CHRNA3: variants seen among roughly 807,000 people sequenced by gnomAD.
The protein encoded by CHRNA3 is neuronal acetylcholine receptor subunit alpha-3.
CHRNA3 carries 34 observed loss-of-function variants against 41.9 expected under a neutral mutation model. That is an observed-to-expected ratio of 0.81 (90% CI 0.62 to 1.08). The LOEUF is 1.08. CHRNA3 is among the 50% of genes least tolerant of loss of function. The pLI is 0.00. For synonymous variants in CHRNA3, 281 were observed against 265.2 expected, an observed-to-expected ratio of 1.06 and a Z score of -0.58; for missense variants, 542 against 638.3, an observed-to-expected ratio of 0.85 and a Z score of 1.63.
intron 5 of CHRNA3, among the ~76,000 whole-genome samples, chr15:78,597,087 A>G (rs1190641146): frequency 6.6e-6 from 1 of 152,232 alleles, no homozygotes; most frequent in African/African-American, 2.4e-5. Flanking sequence ...TAGAATGGCT[A>G]ATATAGTCCA....
chr15:78,595,561 T>A lies in CHRNA3; in HGVS notation c.*1043A>T. 5.0e-6 allele frequency: 1 copy of A among 200,948 alleles called. No homozygotes were observed. The highest frequency in any genetic ancestry group is 1.7e-4 in the South Asian group (1 of 5,770). The allele number at this position is 200,948 out of a possible 1,614,324, so 12.4% of individuals were successfully genotyped here. ...AGCAAGGTATGTCATTGGCATCTAG[T>A]GAGTTGAGGCTAGGGTACTGCTAAA... On this transcript the variant is annotated 3_prime_UTR_variant, in exon 6 of 6. Transcript: ENST00000326828.
At chr15:78,615,170 C>A (rs1302842406) in intron 4 of CHRNA3, among the ~76,000 whole-genome samples, 1 of 152,184 alleles carries the variant, frequency 6.6e-6, no homozygotes, top group Admixed American at 6.5e-5. Flanking sequence ...CCAGAATGCT[C>A]ATCCTACTCT....
intron 4 of CHRNA3, among the ~76,000 whole-genome samples, chr15:78,605,060 T>C (rs773759186): frequency 1.3e-5 from 2 of 151,806 alleles, no homozygotes; most frequent in Non-Finnish European, 2.9e-5. Context: ...AGGGACAGCA[T>C]TGGTGGGAAG....
intron 5 of CHRNA3, among the ~76,000 whole-genome samples, chr15:78,598,362 G>A (rs1326411187): frequency 2.6e-5 from 4 of 151,754 alleles, no homozygotes; most frequent in Non-Finnish European, 5.9e-5. Flanking sequence ...TAGAAATAGT[G>A]GTGCAAAAAG....
chr15:78,611,180 C>T (rs2053374285), intron 4 of CHRNA3, among the ~76,000 whole-genome samples: 1 of 152,136 alleles, frequency 6.6e-6, no homozygotes, highest in African/African-American at 2.4e-5. Flanking sequence ...GAAACTATTC[C>T]AATCAATAGA....
intron 1 of CHRNA3, chr15:78,620,243 C>A: frequency 6.2e-6 from 1 of 162,510 alleles, no homozygotes; most frequent in Admixed American, 6.5e-5. Flanking sequence ...AGCCCCAGTC[C>A]CGAAGCGACT....
chr15:78,593,242 G>C (rs2053040852), downstream of CHRNA3: 1 of 1,609,394 alleles, frequency 6.2e-7, no homozygotes, highest in South Asian at 1.1e-5. Flanking sequence ...TATTGGAAAT[G>C]CAAATAAGTG....
Position 78,620,897 on chromosome 15 carries a change from G to A in CHRNA3, c.-103C>T, listed in dbSNP as rs2053541476. On this transcript the variant is annotated 5_prime_UTR_variant, in exon 1 of 6. Coordinates refer to ENST00000326828, the MANE Select transcript of CHRNA3 (RefSeq NM_000743.5). The stretch of plus-strand genomic sequence containing the variant: ...CGGCTCCAGCGCAGACCCCAGACCT[G>A]GAGCCGTGCGGGCGGAGACGCGCGG... 3 of 1,250,324 alleles carry A rather than the reference G, an allele frequency of 2.4e-6. No individual in the cohort carries two copies. Among genetic ancestry groups the A allele is most frequent in the Non-Finnish European group, 3.0e-6 (3 of 998,766 alleles). 77.5% of individuals were successfully genotyped at this position (1,250,324 alleles called of 1,614,324 possible). A position where few individuals can be genotyped will look rare whatever the true frequency, so the allele number is the denominator to read the frequency against.
chr15:78,595,649 T>G lies in CHRNA3; in HGVS notation c.*955A>C, dbSNP rs71581745. 2 of 153,122 alleles carry G rather than the reference T, an allele frequency of 1.3e-5. No homozygotes were observed. The highest frequency in any genetic ancestry group is 4.8e-5 in the African/African-American group (2 of 41,410). The allele number at this position is 153,122 out of a possible 1,614,324, so 9.5% of individuals were successfully genotyped here. A position where few individuals can be genotyped will look rare whatever the true frequency, so the allele number is the denominator to read the frequency against. ...ACACATATTTATCCAGCCCAAAATG[T>G]CCATAGTGCTAAGGCTGAGAAACCC... On this transcript the variant is annotated 3_prime_UTR_variant, in exon 6 of 6. Coordinates refer to ENST00000326828, the MANE Select transcript of CHRNA3 (RefSeq NM_000743.5).
At chr15:78,615,356 G>T (rs1771311790) in intron 4 of CHRNA3, among the ~76,000 whole-genome samples, 1 of 152,224 alleles carries the variant, frequency 6.6e-6, no homozygotes, top group African/African-American at 2.4e-5. Context: ...GGCAGAGACA[G>T]GCTGGGGTGC....
Position 78,596,413 on chromosome 15 carries a change from C to G in CHRNA3, c.*191G>C. On this transcript the variant is annotated 3_prime_UTR_variant, in exon 6 of 6. Coordinates refer to ENST00000326828, the MANE Select transcript of CHRNA3 (RefSeq NM_000743.5). ...ATACCAAAAAGGCTAGTTAAATGTT[C>G]ATTTATCGGTAATAAATACTCTTGA... 7.9e-7 allele frequency: 1 copy of G among 1,258,690 alleles called. No individual in the cohort carries two copies. The highest frequency in any genetic ancestry group is 1.0e-6 in the Non-Finnish European group (1 of 1,002,930). The allele number at this position is 1,258,690 out of a possible 1,614,324, so 78.0% of individuals were successfully genotyped here. A position where few individuals can be genotyped will look rare whatever the true frequency, so the allele number is the denominator to read the frequency against.
rs551841980 is a variant in CHRNA3 at position 78,601,991 on chromosome 15, G to A, written c.651C>T (p.His217=). The change falls in exon 5 of 6, where the codon CAC becomes CAT. Residue 217 remains histidine, a synonymous_variant. Coordinates refer to ENST00000326828, the MANE Select transcript of CHRNA3 (RefSeq NM_000743.5). The stretch of plus-strand genomic sequence containing the variant: ...CCTCGCAGCAGTTGTACTTGATGTC[G>A]TGTTTGTAGCCTGGGGCTTTGATGA... The part of the protein sequence containing the change: ...WAIIKAPGYK[H]DIKYNCCEEI... The A allele has an allele frequency of 8.7e-6, 14 of 1,613,660 alleles. No homozygotes were observed. The highest frequency in any genetic ancestry group is 5.3e-5 in the African/African-American group (4 of 74,988).
intron 4 of CHRNA3, among the ~76,000 whole-genome samples, chr15:78,605,298 T>C (rs141877045): frequency 1.4e-4 from 22 of 152,072 alleles, no homozygotes; most frequent in Non-Finnish European, 2.9e-4. Context: ...AAATAACAAA[T>C]CTGATCACAT....
intron 5 of CHRNA3, among the ~76,000 whole-genome samples, chr15:78,600,548 C>T (rs573638899): frequency 1.0e-3 from 156 of 152,252 alleles, no homozygotes; most frequent in Non-Finnish European, 1.9e-3. Flanking sequence ...CTTTACTCCA[C>T]GTAAATTCTT....
chr15:78,597,798 T>G (rs2053136744), intron 5 of CHRNA3, among the ~76,000 whole-genome samples: 1 of 152,354 alleles, frequency 6.6e-6, no homozygotes, highest in South Asian at 2.1e-4. Context: ...TCAGCTGATT[T>G]TGAAGCAATA....
chr15:78,617,963 G>T (rs1386943956), intron 3 of CHRNA3, among the ~76,000 whole-genome samples: 1 of 152,212 alleles, frequency 6.6e-6, no homozygotes, highest in Non-Finnish European at 1.5e-5. Context: ...AATGAGTATA[G>T]GGGCTGTGCA....
chr15:78,595,551 T>A lies in CHRNA3; in HGVS notation c.*1053A>T. On this transcript the variant is annotated 3_prime_UTR_variant, in exon 6 of 6. Transcript: ENST00000326828. ...CTGGTGAAGAAGCAAGGTATGTCAT[T>A]GGCATCTAGTGAGTTGAGGCTAGGG... The A allele has an allele frequency of 4.3e-6, 1 of 233,768 alleles. No individual in the cohort carries two copies. Among genetic ancestry groups the A allele is most frequent in the Non-Finnish European group, 7.0e-6 (1 of 142,766 alleles). The allele number at this position is 233,768 out of a possible 1,614,324, so 14.5% of individuals were successfully genotyped here.
intron 4 of CHRNA3, among the ~76,000 whole-genome samples, 172 bp downstream of exon 4, chr15:78,616,852 C>T (rs1471234583): frequency 6.6e-6 from 1 of 152,240 alleles, no homozygotes; most frequent in African/African-American, 2.4e-5. Context: ...GGCTCTCCAA[C>T]ATCTCTGGTA....
intron 4 of CHRNA3, among the ~76,000 whole-genome samples, chr15:78,606,660 C>A (rs961385313): frequency 1.3e-5 from 2 of 151,856 alleles, no homozygotes; most frequent in African/African-American, 4.8e-5. Flanking sequence ...CTTTGGGAGG[C>A]CGAGGTGAGT....
Sources: gnomAD v4.1 joint callset for allele counts (sites outside exome capture counted in the v4.1 genomes callset) on GRCh38, gnomAD v4.1.1 for gene constraint, MANE v1.5 for transcripts, NCBI Gene and HGNC (gene_info 2026-07-23, HGNC 2026-07-21) for gene names.